Variants in MAP2K1 observed in about 807,000 individuals in gnomAD.
The protein encoded by MAP2K1 is dual specificity mitogen-activated protein kinase kinase 1.
In MAP2K1, 16 loss-of-function variants were observed where a neutral mutation model predicts 46.3. The ratio of observed to expected loss-of-function variants is 0.35; its 90% CI spans 0.23 to 0.52. The LOEUF (loss-of-function observed/expected upper bound fraction) is 0.52, where lower values mean the gene tolerates loss of function less well. Among genes scored for constraint, MAP2K1 ranks in the 20% least tolerant of loss-of-function variants. The probability of loss-of-function intolerance (pLI) is 0.94; values close to 1 mark genes in which losing one functional copy is unlikely to be tolerated. For missense variants in MAP2K1, 263 were observed against 497.1 expected (o/e 0.53, Z 4.48); for synonymous variants, 183 against 185.6 (o/e 0.99, Z 0.11).
At chr15:66,448,050 G>A (rs1488091083) in intron 5 of MAP2K1, among the ~76,000 whole-genome samples, 1 of 151,204 alleles carries the variant, frequency 6.6e-6, no homozygotes, top group African/African-American at 2.4e-5. Context: ...GTACTTGGGA[G>A]GCCGAGGCAT....
intron 5 of MAP2K1, among the ~76,000 whole-genome samples, chr15:66,449,026 A>AAAAAAAAC (rs1891959729): frequency 6.7e-6 from 1 of 149,516 alleles, no homozygotes; most frequent in Non-Finnish European, 1.5e-5. Flanking sequence ...AAAAAAAAAA[A>AAAAAAAAC]AACAACAACA....
chr15:66,405,494 T>G (rs2093394214), intron 1 of MAP2K1, among the ~76,000 whole-genome samples: 1 of 152,172 alleles, frequency 6.6e-6, no homozygotes, highest in Admixed American at 6.5e-5. Context: ...GCCCCTTTAT[T>G]TAATTTTTTC....
At chr15:66,447,156 G>A (rs1489068238) in intron 5 of MAP2K1, among the ~76,000 whole-genome samples, 3 of 152,016 alleles carry the variant, frequency 2.0e-5, no homozygotes, top group African/African-American at 7.2e-5. Flanking sequence ...CATCACTGGT[G>A]AGCAAGCTGA....
At position 66,458,364 on chromosome 15, in the gene MAP2K1, G is replaced by T. The variant is rs142447015; in HGVS notation, c.568+13657G>T. 1.9e-4 allele frequency among the ~76,000 whole-genome samples: 29 copies of T among 152,312 alleles called. 1 individual carries two copies. The East Asian group carries it at 5.6e-3, about 29-fold the overall frequency. On this transcript the variant is annotated intron_variant, in intron 5 of 10. Coordinates refer to ENST00000307102, the MANE Select transcript of MAP2K1 (RefSeq NM_002755.4). ...TCCAACTTAGCCGTAAATTATTTCT[G>T]CCTTGGAGTTGTTAGCTGATAAAGA... is the stretch of plus-strand genomic sequence containing the variant.
chr15:66,466,767 A>T (rs1892479931), intron 5 of MAP2K1, among the ~76,000 whole-genome samples: 1 of 152,210 alleles, frequency 6.6e-6, no homozygotes, highest in Admixed American at 6.5e-5. Flanking sequence ...AATCAGCAGC[A>T]TTTAAGCAAA....
intron 5 of MAP2K1, among the ~76,000 whole-genome samples, chr15:66,471,040 T>A (rs1567021502): frequency 6.6e-6 from 1 of 152,170 alleles, no homozygotes. Context: ...AGTTTCTGAT[T>A]AGCCTTTCCA....
intron 5 of MAP2K1, among the ~76,000 whole-genome samples, chr15:66,464,362 C>T (rs1342587382): frequency 6.6e-6 from 1 of 152,106 alleles, no homozygotes; most frequent in Admixed American, 6.5e-5. Flanking sequence ...ATTCTGAAGT[C>T]CATACATCAG....
chr15:66,397,692 A>G (rs2093371487), intron 1 of MAP2K1, among the ~76,000 whole-genome samples: 1 of 152,192 alleles, frequency 6.6e-6, no homozygotes, highest in Admixed American at 6.5e-5. Flanking sequence ...CTTTAGACCT[A>G]ACTTCCTGTT....
intron 1 of MAP2K1, among the ~76,000 whole-genome samples, chr15:66,421,069 CACAT>C (rs1288786384): frequency 2.3e-5 from 3 of 132,096 alleles, no homozygotes; most frequent in South Asian, 2.3e-4. Flanking sequence ...CATACACACA[CACAT>C]ATATACACAT....
At chr15:66,441,285 G>A (rs1421068267) in intron 3 of MAP2K1, among the ~76,000 whole-genome samples, 1 of 152,104 alleles carries the variant, frequency 6.6e-6, no homozygotes, top group Non-Finnish European at 1.5e-5. Flanking sequence ...CTTTTTAATA[G>A]AGATATTTCT....
intron 1 of MAP2K1, among the ~76,000 whole-genome samples, chr15:66,400,519 C>G (rs1171109012): frequency 6.6e-6 from 1 of 152,190 alleles, no homozygotes; most frequent in Admixed American, 6.5e-5. Flanking sequence ...AGGGTTCCAG[C>G]TTTGTTTCTG....
chr15:66,391,748 CT>C (rs986586408), intron 1 of MAP2K1, among the ~76,000 whole-genome samples: 46 of 152,152 alleles, frequency 3.0e-4, no homozygotes, highest in African/African-American at 1.1e-3. Flanking sequence ...ATGCTCATTC[CT>C]TTTTTCCCCA....
At chr15:66,441,309 A>G (rs1472020151) in intron 3 of MAP2K1, among the ~76,000 whole-genome samples, 2 of 152,126 alleles carry the variant, frequency 1.3e-5, no homozygotes, top group South Asian at 2.1e-4. Context: ...ACCAACCCCC[A>G]GGGGAAGTGT....
intron 1 of MAP2K1, among the ~76,000 whole-genome samples, chr15:66,427,876 T>C (rs546400803): frequency 6.6e-6 from 1 of 152,148 alleles, no homozygotes; most frequent in South Asian, 2.1e-4. Flanking sequence ...TAGCCGGGCG[T>C]GGTGGCAGGC....
At chr15:66,489,550 A>G in intron 9 of MAP2K1, 168 bp from the exon 10 acceptor site, 2 of 728,054 alleles carry the variant, frequency 2.7e-6, no homozygotes, top group Non-Finnish European at 5.0e-6. Context: ...ACTCAGCAAG[A>G]ATGTATTAAC....
At chr15:66,421,131 T>C (rs940876865) in intron 1 of MAP2K1, among the ~76,000 whole-genome samples, 292 of 147,032 alleles carry the variant, frequency 2.0e-3, no homozygotes, top group African/African-American at 5.3e-3. Context: ...CACACATATA[T>C]ATATATATAA....
chr15:66,463,918 C>A (rs1300891782), intron 5 of MAP2K1, among the ~76,000 whole-genome samples: 2 of 152,168 alleles, frequency 1.3e-5, no homozygotes, highest in African/African-American at 4.8e-5. Context: ...AGGTGAGAGA[C>A]AAATGGTTGT....
chr15:66,388,489 C>G (rs956050363), intron 1 of MAP2K1, among the ~76,000 whole-genome samples: 1 of 152,126 alleles, frequency 6.6e-6, no homozygotes, highest in Non-Finnish European at 1.5e-5. Context: ...AGGCTTGGAC[C>G]TTATGCTCTT....
intron 1 of MAP2K1, among the ~76,000 whole-genome samples, chr15:66,416,947 C>T (rs760521732): frequency 2.6e-5 from 4 of 152,114 alleles, no homozygotes; most frequent in Admixed American, 1.3e-4. Flanking sequence ...TATTTTGCAA[C>T]GTAATTCAGC....
Sources: allele counts gnomAD v4.1 joint callset (sites outside exome capture counted in the v4.1 genomes callset), GRCh38; gene constraint gnomAD v4.1.1; transcripts MANE v1.5; gene names NCBI Gene and HGNC (gene_info 2026-07-23, HGNC 2026-07-21).